Variants in NSG2 observed in about 807,000 individuals in gnomAD.
NSG2 encodes the protein neuronal vesicle trafficking associated 2.
Under a neutral mutation model 16.9 loss-of-function variants are expected in NSG2, and 4 were observed. That is an observed-to-expected ratio of 0.24 (90% CI 0.12 to 0.54). NSG2 has a LOEUF of 0.54. NSG2 is among the 20% of genes least tolerant of loss of function. NSG2 has a pLI of 0.95. For missense variants in NSG2, 179 were observed against 221.1 expected, an observed-to-expected ratio of 0.81 and a Z score of 1.21; for synonymous variants, 98 against 88.7, an observed-to-expected ratio of 1.11 and a Z score of -0.59.
chr5:174,099,584 G>A (rs1393983318), intron 3 of NSG2, among the ~76,000 whole-genome samples: 3 of 152,122 alleles, frequency 2.0e-5, no homozygotes, highest in Non-Finnish European at 4.4e-5. Context: ...TTGAGATCAA[G>A]TCCAAGTGTA....
chr5:174,085,616 G>A (rs1344429463), intron 3 of NSG2, among the ~76,000 whole-genome samples: 1 of 152,208 alleles, frequency 6.6e-6, no homozygotes, highest in African/African-American at 2.4e-5. Context: ...ATCATTGCCT[G>A]TGGAAACAGC....
intron 2 of NSG2, among the ~76,000 whole-genome samples, chr5:174,054,116 C>T (rs991299331): frequency 6.6e-6 from 1 of 152,212 alleles, no homozygotes; most frequent in Admixed American, 6.5e-5. Context: ...GATCTGCATG[C>T]GCCAGCGTGG....
At chr5:174,055,626 G>C (rs928916206) in intron 2 of NSG2, among the ~76,000 whole-genome samples, 1 of 151,936 alleles carries the variant, frequency 6.6e-6, no homozygotes, top group Non-Finnish European at 1.5e-5. Flanking sequence ...AAATAAAAAA[G>C]TAAGTGGGGA....
At chr5:174,071,674 C>T (rs1268013444) in intron 3 of NSG2, among the ~76,000 whole-genome samples, 6 of 152,220 alleles carry the variant, frequency 3.9e-5, no homozygotes, top group African/African-American at 1.4e-4. Flanking sequence ...ACTTTATGTG[C>T]ACTACCCCGC....
At chr5:174,061,072 G>T (rs1172265984) in intron 2 of NSG2, among the ~76,000 whole-genome samples, 1 of 151,978 alleles carries the variant, frequency 6.6e-6, no homozygotes, top group Non-Finnish European at 1.5e-5. Context: ...AAGGCTTGTG[G>T]CTCATGCTGA....
chr5:174,105,141 T>C (rs1242776632), intron 4 of NSG2, among the ~76,000 whole-genome samples: 1 of 152,234 alleles, frequency 6.6e-6, no homozygotes, highest in Non-Finnish European at 1.5e-5. Context: ...AAATAGGGTT[T>C]CTTTGGCTCC....
intron 3 of NSG2, among the ~76,000 whole-genome samples, chr5:174,068,932 C>T (rs1760190799): frequency 6.9e-6 from 1 of 144,620 alleles, no homozygotes; most frequent in Admixed American, 6.9e-5. Flanking sequence ...GTGCTGGTGT[C>T]ATGGGGATCC....
chr5:174,088,604 A>G (rs1480583641), intron 3 of NSG2, among the ~76,000 whole-genome samples: 4 of 152,230 alleles, frequency 2.6e-5, no homozygotes, highest in Non-Finnish European at 2.9e-5. Flanking sequence ...GAACTATGGG[A>G]CAGGGAGAGG....
intron 3 of NSG2, among the ~76,000 whole-genome samples, chr5:174,069,314 G>A (rs1380126153): frequency 6.6e-6 from 1 of 152,190 alleles, no homozygotes; most frequent in African/African-American, 2.4e-5. Context: ...GCTCTGGAAG[G>A]TGCTTATGCA....
rs1760361327 is a variant in NSG2 at position 174,077,297 on chromosome 5, G to A, written c.213+12982G>A. On this transcript the variant is annotated intron_variant, in intron 3 of 4. Coordinates refer to ENST00000303177, the MANE Select transcript of NSG2 (RefSeq NM_015980.5). ...CCTCTCTTCGGTTTTGACATGTCAA[G>A]CCACAGTCAGAGTGTGTCTCTTCTG... Among the ~76,000 whole-genome samples, 3 of 152,200 alleles carry A rather than the reference G, an allele frequency of 2.0e-5. No homozygotes were observed. The South Asian group carries it at 6.2e-4, about 32-fold the overall frequency.
intron 2 of NSG2, among the ~76,000 whole-genome samples, chr5:174,060,503 T>C (rs13174745): frequency 6.6e-6 from 1 of 152,176 alleles, no homozygotes; most frequent in Admixed American, 6.5e-5. Context: ...GAAATAGACT[T>C]GGCAATGTGG....
intron 3 of NSG2, among the ~76,000 whole-genome samples, chr5:174,095,638 A>G (rs1276951230): frequency 3.9e-5 from 6 of 152,290 alleles, no homozygotes; most frequent in South Asian, 2.1e-4. Flanking sequence ...CCCCTTTTCT[A>G]AATAAGATCA....
chr5:174,073,070 G>A (rs1253445682), intron 3 of NSG2, among the ~76,000 whole-genome samples: 1 of 152,144 alleles, frequency 6.6e-6, no homozygotes, highest in African/African-American at 2.4e-5. Flanking sequence ...ACTCCACATC[G>A]ATCACATCAA....
intron 3 of NSG2, among the ~76,000 whole-genome samples, chr5:174,095,054 C>T (rs116692976): frequency 0.027 from 4,129 of 152,212 alleles, 177 homozygotes; most frequent in African/African-American, 0.094. Context: ...GAGGAGGTGA[C>T]ATGGTGAGTT....
At chr5:174,095,882 A>G (rs138957912) in intron 3 of NSG2, among the ~76,000 whole-genome samples, 1 of 152,364 alleles carries the variant, frequency 6.6e-6, no homozygotes, top group African/African-American at 2.4e-5. Context: ...TATCTCTGAC[A>G]CACTGTAGGT....
chr5:174,096,438 G>A (rs1760795247), intron 3 of NSG2, among the ~76,000 whole-genome samples: 1 of 152,128 alleles, frequency 6.6e-6, no homozygotes, highest in Admixed American at 6.5e-5. Context: ...TCATGGGGGT[G>A]GGGAAAACTG....
chr5:174,060,372 TA>T (rs1236154419), intron 2 of NSG2, among the ~76,000 whole-genome samples: 9 of 151,090 alleles, frequency 6.0e-5, no homozygotes, highest in Admixed American at 2.0e-4. Flanking sequence ...TACTTCTTAA[TA>T]TTTTTTTTTT....
intron 3 of NSG2, chr5:174,082,555 G>T (rs1348808590): frequency 2.0e-5 from 3 of 152,216 alleles, no homozygotes; most frequent in Admixed American, 2.0e-4. Context: ...CATGTTGATT[G>T]CTCTGTGGGG....
At chr5:174,078,873 A>T (rs1204948398) in intron 3 of NSG2, among the ~76,000 whole-genome samples, 1 of 152,174 alleles carries the variant, frequency 6.6e-6, no homozygotes, top group Non-Finnish European at 1.5e-5. Flanking sequence ...TGTGAGAAAT[A>T]AATGTCTGTT....
Sources: gnomAD v4.1 joint callset for allele counts (sites outside exome capture counted in the v4.1 genomes callset) on GRCh38, gnomAD v4.1.1 for gene constraint, MANE v1.5 for transcripts, NCBI Gene and HGNC (gene_info 2026-07-23, HGNC 2026-07-21) for gene names.